CCNK: variants seen among roughly 807,000 people sequenced by gnomAD.
The protein encoded by CCNK is cyclin-K.
Under a neutral mutation model 65.0 loss-of-function variants are expected in CCNK, and 9 were observed. The ratio of observed to expected loss-of-function variants is 0.14; its 90% confidence interval spans 0.08 to 0.24. CCNK has a LOEUF of 0.24. Among genes scored for constraint, CCNK ranks in the 10% least tolerant of loss-of-function variants. The pLI is 1.00. For synonymous variants in CCNK, 279 were observed against 270.8 expected (o/e 1.03, Z -0.30); for missense variants, 474 against 720.0 (o/e 0.66, Z 3.91).
Position 99,492,735 on chromosome 14 carries a change from A to G in CCNK, c.58A>G (p.Thr20Ala). 5 of 1,612,620 alleles carry G rather than the reference A, an allele frequency of 3.1e-6. No individual in the cohort carries two copies. The highest frequency in any genetic ancestry group is 4.2e-6 in the Non-Finnish European group (5 of 1,179,530). Residue 20 changes from threonine (T) to alanine (A), a missense_variant, in exon 2 of 11, where the codon ACA becomes GCA. By Grantham distance (58) the Thr-to-Ala change is moderately conservative. This residue lies in a region of CCNK where 87 missense variants were observed against 166.2 expected (regional missense o/e 0.52). Transcript: ENST00000389879. ...AGTAACTTCAGCAAACCTGGACCAC[A>G]CAAAGCCATGTTGGTACTGGGATAA... ...PSVTSANLDH[T>A]KPCWYWDKKD...
At chr14:99,488,913 C>CTT (rs78061502) in intron 1 of CCNK, among the ~76,000 whole-genome samples, 27 of 141,478 alleles carry the variant, frequency 1.9e-4, no homozygotes, top group African/African-American at 6.4e-4. Context: ...GCTCCTATGT[C>CTT]TTTTTTTTTT....
intron 1 of CCNK, among the ~76,000 whole-genome samples, chr14:99,487,547 A>G (rs1896516269): frequency 6.6e-6 from 1 of 152,258 alleles, no homozygotes; most frequent in Admixed American, 6.5e-5. Flanking sequence ...GCTTTATGCA[A>G]CAACAGGAAT....
At chr14:99,506,867 G>C (rs1272043906) in intron 9 of CCNK, 1 of 536,874 alleles carries the variant, frequency 1.9e-6, no homozygotes, top group Non-Finnish European at 3.4e-6. Flanking sequence ...TGGGAAGCTC[G>C]CAGGTCTTTT....
At position 99,512,234 on chromosome 14, in the gene CCNK, A is replaced by T. The variant is rs1897146827; in HGVS notation, c.*1452A>T. Reference sequence around the variant, plus strand: ...CGGGAGTCCACGGGCTCCCAGCTCTAAACGGCGCCAGGGCAGGAAGGGGTG... The same window carrying T: ...CGGGAGTCCACGGGCTCCCAGCTCTTAACGGCGCCAGGGCAGGAAGGGGTG... On this transcript the variant is annotated 3_prime_UTR_variant, in exon 11 of 11. Transcript: ENST00000389879. The T allele has an allele frequency of 6.6e-6, 1 of 152,146 alleles. No homozygotes were observed. The highest frequency in any genetic ancestry group is 2.1e-4 in the South Asian group (1 of 4,820). 9.4% of individuals were successfully genotyped at this position (152,146 alleles called of 1,614,324 possible).
At chr14:99,507,287 T>C in intron 10 of CCNK, 140 bp downstream of exon 10, 1 of 710,798 alleles carries the variant, frequency 1.4e-6, no homozygotes, top group Non-Finnish European at 2.6e-6. Context: ...TTTGCAAAAT[T>C]GTTCTTGGGC....
Position 99,511,326 on chromosome 14 carries a change from T to C in CCNK, c.*544T>C, listed in dbSNP as rs186672115. On this transcript the variant is annotated 3_prime_UTR_variant, in exon 11 of 11. Coordinates refer to ENST00000389879, the MANE Select transcript of CCNK (RefSeq NM_001099402.2). ...AAGGGGTTGCCTCATTGGATGGCTT[T>C]TTTTTTTTCCTCCAGGGAGAAGGGG... The C allele has an allele frequency of 2.6e-4, 40 of 152,252 alleles. No homozygotes were observed. Among genetic ancestry groups the C allele is most frequent in the African/African-American group, 9.1e-4 (38 of 41,548 alleles). 9.4% of individuals were successfully genotyped at this position (152,252 alleles called of 1,614,324 possible).
rs1377176725 is a variant in CCNK, at chr14:99,510,755, G to A, written c.1716G>A (p.Gly572=). The A allele has an allele frequency of 8.2e-6, 12 of 1,464,168 alleles. No homozygotes were observed. Among genetic ancestry groups the A allele is most frequent in the Non-Finnish European group, 1.1e-5 (12 of 1,109,604 alleles). 90.7% of individuals were successfully genotyped at this position (1,464,168 alleles called of 1,614,324 possible). The change falls in exon 11 of 11, where the codon GGG becomes GGA. Residue 572 remains glycine, a synonymous_variant. Transcript: ENST00000389879. The stretch of plus-strand genomic sequence containing the variant: ...CACCCGGCATGCCTCCAGTTGGGGG[G>A]CTGGGGCGGGCAGCCTGGATGAGAT... ...IPPPGMPPVG[G]LGRAAWMR is the part of the protein sequence containing the mutation.
At chr14:99,498,203 C>G (rs1896741998) in intron 4 of CCNK, among the ~76,000 whole-genome samples, 1 of 152,120 alleles carries the variant, frequency 6.6e-6, no homozygotes. Context: ...TTAGCCTTTA[C>G]CCACTGTACC....
intron 1 of CCNK, among the ~76,000 whole-genome samples, chr14:99,491,344 C>T (rs1461191448): frequency 6.6e-6 from 1 of 152,152 alleles, no homozygotes; most frequent in Non-Finnish European, 1.5e-5. Flanking sequence ...CCATTTTGTA[C>T]TCCCACCAGA....
In CCNK at chr14:99,507,455, C is replaced by A. The variant is rs3918111; in HGVS notation, c.1117+308C>A. The A allele has an allele frequency of 1.2e-3, 394 of 338,172 alleles. 4 individuals carry two copies. The South Asian group carries it at 0.012, about 11-fold the overall frequency. The allele number at this position is 338,172 out of a possible 1,614,324, so 20.9% of individuals were successfully genotyped here. A position where few individuals can be genotyped will look rare whatever the true frequency, so the allele number is the denominator to read the frequency against. ...TAGCACACACCTGTAGTCCCAACTACTTAGGAGTCTGAGATGGGAAGATCA... is the reference window on the plus strand; with the variant it reads ...TAGCACACACCTGTAGTCCCAACTAATTAGGAGTCTGAGATGGGAAGATCA... On this transcript the variant is annotated intron_variant, in intron 10 of 10. Transcript: ENST00000389879.
chr14:99,492,673 A>G lies in CCNK; in HGVS notation c.-5A>G, dbSNP rs764296555. On this transcript the variant is annotated 5_prime_UTR_variant, in exon 2 of 11. Transcript: ENST00000389879. ...CTTTTGGAAAGAACAAGCCTACTTC[A>G]ATAAATGAAGGAGAATAAAGAAAAT... 6.3e-7 allele frequency: 1 copy of G among 1,598,684 alleles called. No homozygotes were observed. Among genetic ancestry groups the G allele is most frequent in the Admixed American group, 1.8e-5 (1 of 55,110 alleles).
intron 3 of CCNK, 121 bp downstream of exon 3, chr14:99,493,716 T>A: frequency 1.6e-6 from 1 of 619,482 alleles, no homozygotes; most frequent in Middle Eastern, 4.3e-4. Context: ...TTTTATATGG[T>A]ATATACTGCA....
chr14:99,508,713 AGAGAC>A (rs1897038107), intron 10 of CCNK: 1 of 152,430 alleles, frequency 6.6e-6, no homozygotes, highest in African/African-American at 2.4e-5. Flanking sequence ...GGTGCCCAGG[AGAGAC>A]CCCCACTTGC....
Position 99,510,312 on chromosome 14 carries a change from C to T in CCNK, c.1273C>T (p.Pro425Ser), listed in dbSNP as rs769843517. Residue 425 changes from proline (P) to serine (S), a missense_variant, in exon 11 of 11, where the codon CCC (proline) becomes TCC (serine). By Grantham distance (74) the Pro-to-Ser change is moderately conservative. This residue lies in a region of CCNK where 229 missense variants were observed against 275.5 expected (regional missense o/e 0.83). Transcript: ENST00000389879. ...GCCACACCGGCCCCCGCCCCCACCC[C>T]CCTCCAGCTACATGACCGGGATGTC... ...PLPHRPPPPP[P>S]SSYMTGMSTT... 1 of 1,564,960 alleles carries T rather than the reference C, an allele frequency of 6.4e-7. No homozygotes were observed.
chr14:99,485,871 A>G (rs1234175071), intron 1 of CCNK, among the ~76,000 whole-genome samples: 3 of 152,166 alleles, frequency 2.0e-5, no homozygotes, highest in Non-Finnish European at 4.4e-5. Context: ...AAAAATGAAT[A>G]AAAAAGAATA....
Position 99,510,709 on chromosome 14 carries a change from C to A in CCNK, c.1670C>A (p.Pro557His). Residue 557 changes from proline (P) to histidine (H), a missense_variant, in exon 11 of 11, where the codon CCT becomes CAT. Pro to His is a moderately conservative substitution (Grantham distance 77). Transcript: ENST00000389879. ...GCCGTCCCCCCTGGAGGACAGCCTC[C>A]TGTGCCCCCGCCCATTCCCCCACCC... ...PPAVPPGGQP[P>H]VPPPIPPPGM... 1.4e-6 allele frequency: 2 copies of A among 1,399,204 alleles called. No homozygotes were observed. The highest frequency in any genetic ancestry group is 1.9e-6 in the Non-Finnish European group (2 of 1,075,252). The allele number at this position is 1,399,204 out of a possible 1,614,324, so 86.7% of individuals were successfully genotyped here.
At chr14:99,490,494 T>C (rs1474069141) in intron 1 of CCNK, among the ~76,000 whole-genome samples, 1 of 152,148 alleles carries the variant, frequency 6.6e-6, no homozygotes, top group Non-Finnish European at 1.5e-5. Flanking sequence ...TACAATTAGT[T>C]TAAAATAAAA....
intron 3 of CCNK, 175 bp from the exon 4 acceptor site, chr14:99,495,323 G>A (rs901771553): frequency 4.5e-5 from 17 of 375,078 alleles, no homozygotes; most frequent in Non-Finnish European, 7.1e-5. Flanking sequence ...GAGTTTGGGG[G>A]ATTTATATGT....
At position 99,510,174 on chromosome 14, in the gene CCNK, G is replaced by C; in HGVS notation, c.1135G>C (p.Ala379Pro). The C allele has an allele frequency of 3.8e-6, 6 of 1,597,838 alleles. No individual in the cohort carries two copies. The highest frequency in any genetic ancestry group is 5.1e-6 in the Non-Finnish European group (6 of 1,175,576). Residue 379 changes from alanine (A) to proline (P), a missense_variant, in exon 11 of 11, where the codon GCT becomes CCT. Physicochemically the swap from Ala to Pro is conservative, Grantham distance 27 (BLOSUM62 -1). This residue lies in a region of CCNK where 229 missense variants were observed against 275.5 expected (regional missense o/e 0.83). Coordinates refer to ENST00000389879, the MANE Select transcript of CCNK (RefSeq NM_001099402.2). ...TCCTGCAGACCGGAAGCCTCCCCTC[G>C]CTGCTGCCTTAGGTGAGGCTGAGCC... ...HPPPDRKPPL[A>P]AALGEAEPPG...
Sources: gnomAD v4.1 joint callset for allele counts (sites outside exome capture counted in the v4.1 genomes callset) on GRCh38, gnomAD v4.1.1 for gene constraint, gnomAD v4.1.1 regional missense constraint, MANE v1.5 for transcripts, NCBI Gene and HGNC (gene_info 2026-07-23, HGNC 2026-07-21) for gene names.